The following KSR2 variants were observed in gnomAD, a reference collection of about 807,000 sequenced individuals.
KSR2 encodes kinase suppressor of ras 2.
KSR2 carries 25 observed loss-of-function variants against 107.8 expected under a neutral mutation model. The observed-to-expected ratio is 0.23, with a 90% CI of 0.17 to 0.32. The LOEUF (loss-of-function observed/expected upper bound fraction) is 0.32. KSR2 is among the 10% of genes least tolerant of loss of function. The pLI is 1.00. For missense variants in KSR2, 887 were observed against 1,268.9 expected (o/e 0.70, Z 4.57); for synonymous variants, 480 against 507.0 (o/e 0.95, Z 0.71).
At chr12:117,727,440 G>A (rs1485736055) in intron 4 of KSR2, among the ~76,000 whole-genome samples, 12 of 149,902 alleles carry the variant, frequency 8.0e-5, no homozygotes, top group Non-Finnish European at 1.5e-5. Flanking sequence ...AGGAGGAGGA[G>A]GAGGAACAAA....
At chr12:117,821,129 A>C (rs971487557) in intron 3 of KSR2, among the ~76,000 whole-genome samples, 2 of 152,198 alleles carry the variant, frequency 1.3e-5, no homozygotes, top group African/African-American at 4.8e-5. Flanking sequence ...GGGAGGATTA[A>C]ATGAGATAAT....
intron 5 of KSR2, among the ~76,000 whole-genome samples, chr12:117,651,468 T>G (rs895000451): frequency 6.6e-6 from 1 of 152,106 alleles, no homozygotes; most frequent in Non-Finnish European, 1.5e-5. Flanking sequence ...GGAATGGATA[T>G]TAAGGGTGTG....
intron 3 of KSR2, among the ~76,000 whole-genome samples, chr12:117,801,833 T>C (rs1218951878): frequency 1.1e-5 from 1 of 89,450 alleles, no homozygotes; most frequent in East Asian, 4.2e-4. Flanking sequence ...AAGCAGGAAG[T>C]ACCGTGGGGG....
intron 5 of KSR2, among the ~76,000 whole-genome samples, chr12:117,628,587 G>A (rs776192876): frequency 6.6e-6 from 1 of 152,112 alleles, no homozygotes. Context: ...CGTCCCAGAG[G>A]GGGAGCCACC....
intron 4 of KSR2, among the ~76,000 whole-genome samples, chr12:117,697,477 C>A (rs766004100): frequency 1.3e-5 from 2 of 152,160 alleles, no homozygotes; most frequent in African/African-American, 2.4e-5. Context: ...GCGCTGTGGC[C>A]CATGCCTGTA....
chr12:117,479,753 C>G (rs1016175645), intron 16 of KSR2, among the ~76,000 whole-genome samples: 13 of 152,146 alleles, frequency 8.5e-5, no homozygotes, highest in African/African-American at 3.1e-4. Context: ...GTGCTAGAAA[C>G]TACTACTCAA....
intron 1 of KSR2, among the ~76,000 whole-genome samples, chr12:117,959,148 C>T (rs76868543): frequency 0.082 from 12,468 of 152,120 alleles, 685 homozygotes; most frequent in Middle Eastern, 0.16. Context: ...AATAATAATA[C>T]TTTAATAATT....
chr12:117,622,103 G>A (rs1238038069), intron 5 of KSR2, among the ~76,000 whole-genome samples: 3 of 152,042 alleles, frequency 2.0e-5, no homozygotes, highest in African/African-American at 7.2e-5. Flanking sequence ...TCTTGATGGG[G>A]CAGTTGATGG....
In KSR2 at chr12:117,767,829, G is replaced by A. The variant is rs536589592; in HGVS notation, c.473-6305C>T. 1.4e-3 allele frequency among the ~76,000 whole-genome samples: 208 copies of A among 151,494 alleles called. 1 individual carries two copies. Among genetic ancestry groups the A allele is most frequent in the African/African-American group, 4.7e-3 (194 of 41,312 alleles). ...AAATTCGAGCCAGGCTGGAGAAGAA[G>A]TGAAGGGAGGACTTCCCAGGGTTTT... On this transcript the variant is annotated intron_variant, in intron 3 of 19. Coordinates refer to ENST00000339824, the MANE Select transcript of KSR2 (RefSeq NM_173598.6).
chr12:117,952,948 G>A (rs1279202579), intron 1 of KSR2, among the ~76,000 whole-genome samples: 1 of 131,068 alleles, frequency 7.6e-6, no homozygotes, highest in Non-Finnish European at 1.5e-5. Context: ...TTGCACCACT[G>A]TACTCCAGCC....
chr12:117,555,750 A>T (rs750483695), intron 8 of KSR2, among the ~76,000 whole-genome samples: 1 of 152,180 alleles, frequency 6.6e-6, no homozygotes, highest in Non-Finnish European at 1.5e-5. Context: ...ACTTTGTCCT[A>T]AACAACTTTG....
At chr12:117,677,708 A>C (rs1319473882) in intron 4 of KSR2, among the ~76,000 whole-genome samples, 1 of 152,182 alleles carries the variant, frequency 6.6e-6, no homozygotes, top group Non-Finnish European at 1.5e-5. Context: ...TGAGATTCTT[A>C]TTCTAGCGGT....
chr12:117,631,241 C>T (rs947622288), intron 5 of KSR2, among the ~76,000 whole-genome samples: 9 of 152,156 alleles, frequency 5.9e-5, no homozygotes, highest in African/African-American at 1.9e-4. Context: ...TTTGAGGCTG[C>T]AGCAAGCTAT....
chr12:117,637,675 GTTTTTT>G (rs56169273), intron 5 of KSR2, among the ~76,000 whole-genome samples: 12 of 92,108 alleles, frequency 1.3e-4, no homozygotes, highest in East Asian at 4.8e-4. Context: ...TCAGTTTTGG[GTTTTTT>G]TTTTTTTTTT....
intron 4 of KSR2, among the ~76,000 whole-genome samples, chr12:117,744,512 A>G (rs1888331856): frequency 6.6e-6 from 1 of 152,162 alleles, no homozygotes; most frequent in Admixed American, 6.5e-5. Context: ...GAGATTCTCC[A>G]TGGTTCCAAC....
chr12:117,489,584 T>C (rs983503443), intron 14 of KSR2, among the ~76,000 whole-genome samples: 4 of 150,518 alleles, frequency 2.7e-5, no homozygotes, highest in African/African-American at 9.8e-5. Flanking sequence ...AGGGAAAGAA[T>C]TAACAATTAA....
intron 1 of KSR2, among the ~76,000 whole-genome samples, chr12:117,862,864 G>C (rs1373309764): frequency 6.6e-6 from 1 of 151,866 alleles, no homozygotes; most frequent in Non-Finnish European, 1.5e-5. Flanking sequence ...CGAGTAGCTG[G>C]CACTACAGGC....
chr12:117,649,767 C>T (rs1883806608), intron 5 of KSR2, among the ~76,000 whole-genome samples: 1 of 152,068 alleles, frequency 6.6e-6, no homozygotes, highest in Non-Finnish European at 1.5e-5. Flanking sequence ...AGAGGAGTGT[C>T]AGGGGATGGG....
rs934973832 is a variant in KSR2, at chr12:117,883,938, G to C, written c.181-23507C>G. Among the ~76,000 whole-genome samples the C allele has an allele frequency of 2.0e-5, 3 of 150,736 alleles. No homozygotes were observed. The South Asian group carries it at 6.3e-4, about 32-fold the overall frequency. ...GCAGAGACAGGGGCTGGGTCAAGTA[G>C]AACCTACTACAGTCACGGAAAGCAG... On this transcript the variant is annotated intron_variant, in intron 1 of 19. Transcript: ENST00000339824.
Sources: allele counts gnomAD v4.1 joint callset (sites outside exome capture counted in the v4.1 genomes callset), GRCh38; gene constraint gnomAD v4.1.1; transcripts MANE v1.5; gene names NCBI Gene and HGNC (gene_info 2026-07-23, HGNC 2026-07-21).